The following ACAP2 variants were observed in gnomAD, a reference collection of about 807,000 sequenced individuals.
ACAP2 encodes arf-GAP with coiled-coil, ANK repeat and PH domain-containing protein 2.
A neutral mutation model predicts 115.8 loss-of-function variants in ACAP2; 39 were observed. The observed-to-expected ratio is 0.34, with a 90% CI of 0.26 to 0.44. The LOEUF is 0.44. Ranked by LOEUF, ACAP2 falls within the 20% of genes least tolerant of loss-of-function variation. The pLI, the probability that ACAP2 is intolerant of heterozygous loss-of-function variation, is 1.00. For missense variants in ACAP2, 662 were observed against 927.6 expected, an observed-to-expected ratio of 0.71 and a Z score of 3.72; for synonymous variants, 289 against 315.8, an observed-to-expected ratio of 0.92 and a Z score of 0.90.
intron 10 of ACAP2, among the ~76,000 whole-genome samples, chr3:195,317,705 C>T (rs946184985): frequency 1.3e-5 from 2 of 152,118 alleles, no homozygotes; most frequent in African/African-American, 4.8e-5. Context: ...TGTTTAGCAA[C>T]ACCTTCAAAG....
intron 4 of ACAP2, among the ~76,000 whole-genome samples, chr3:195,350,997 T>C (rs1381227266): frequency 1.3e-5 from 2 of 151,534 alleles, no homozygotes; most frequent in Non-Finnish European, 2.9e-5. Flanking sequence ...ATAAACTGAC[T>C]TCATAAAAAA....
intron 2 of ACAP2, among the ~76,000 whole-genome samples, chr3:195,382,879 GAAA>G (rs112190227): frequency 7.3e-6 from 1 of 136,998 alleles, no homozygotes; most frequent in Admixed American, 7.4e-5. Flanking sequence ...ACTATGCATG[GAAA>G]AAAAAAAAAA....
At chr3:195,327,990 C>G (rs1294075718) in intron 8 of ACAP2, among the ~76,000 whole-genome samples, 2 of 151,626 alleles carry the variant, frequency 1.3e-5, no homozygotes, top group Non-Finnish European at 2.9e-5. Flanking sequence ...TTTCTTGTTC[C>G]TTGGCGTTAG....
At chr3:195,423,480 G>A (rs779782602) in intron 1 of ACAP2, among the ~76,000 whole-genome samples, 19 of 152,116 alleles carry the variant, frequency 1.2e-4, no homozygotes, top group Admixed American at 6.5e-4. Context: ...AAAATTAGCC[G>A]GGTGTGATGG....
intron 5 of ACAP2, among the ~76,000 whole-genome samples, chr3:195,342,870 C>T (rs1385184045): frequency 6.6e-6 from 1 of 151,966 alleles, no homozygotes; most frequent in African/African-American, 2.4e-5. Context: ...GTGGCATGTG[C>T]CTGTAGTCCC....
intron 20 of ACAP2, among the ~76,000 whole-genome samples, chr3:195,289,687 T>TC (rs1211884152): frequency 9.4e-5 from 14 of 149,202 alleles, no homozygotes; most frequent in African/African-American, 7.4e-5. Context: ...ACGCCTGTAG[T>TC]CCCAGCTACA....
chr3:195,401,984 C>T lies in ACAP2; in HGVS notation c.54-9837G>A, dbSNP rs78900931. Among the ~76,000 whole-genome samples the T allele has an allele frequency of 2.7e-3, 404 of 152,240 alleles. 6 individuals are homozygous for T. In the South Asian group the frequency reaches 0.03, roughly 11 times the overall value. ...ATAAACCACCTGGGATGGTAAACTT[C>T]GAACACTGAAGCACCTTCTACTCCT... On this transcript the variant is annotated intron_variant, in intron 1 of 22. Coordinates refer to ENST00000326793, the MANE Select transcript of ACAP2 (RefSeq NM_012287.6).
intron 1 of ACAP2, among the ~76,000 whole-genome samples, chr3:195,420,284 T>C (rs989928764): frequency 6.6e-6 from 1 of 152,204 alleles, no homozygotes; most frequent in East Asian, 1.9e-4. Context: ...ATTTAATGTA[T>C]ACACACGCTT....
intron 1 of ACAP2, among the ~76,000 whole-genome samples, chr3:195,399,038 GC>G (rs1191805681): frequency 1.3e-5 from 2 of 152,108 alleles, no homozygotes; most frequent in African/African-American, 4.8e-5. Context: ...TTGGGTTGGG[GC>G]AAAAGTAATT....
intron 7 of ACAP2, 76 bp from the exon 8 acceptor site, chr3:195,333,199 A>AT: frequency 1.6e-6 from 1 of 629,884 alleles, no homozygotes. Flanking sequence ...TATATATATA[A>AT]AAATATATAA....
chr3:195,346,710 C>T (rs776334947), intron 4 of ACAP2, among the ~76,000 whole-genome samples: 2 of 152,256 alleles, frequency 1.3e-5, no homozygotes, highest in East Asian at 3.9e-4. Flanking sequence ...ACACAAAAAC[C>T]TGTACTCAAA....
chr3:195,387,491 T>C (rs1224254100), intron 2 of ACAP2, among the ~76,000 whole-genome samples: 1 of 152,234 alleles, frequency 6.6e-6, no homozygotes, highest in East Asian at 1.9e-4. Context: ...CATAAGACTT[T>C]GTATACACCA....
At position 195,368,541 on chromosome 3, in the gene ACAP2, TACC is replaced by T. The variant is rs542572607; in HGVS notation, c.285+12465_285+12467del. Among the ~76,000 whole-genome samples the T allele has an allele frequency of 1.2e-3, 190 of 152,344 alleles. 2 individuals are homozygous for T. Among genetic ancestry groups the T allele is most frequent in the African/African-American group, 4.2e-3 (176 of 41,578 alleles). On this transcript the variant is annotated intron_variant, in intron 4 of 22. Coordinates refer to ENST00000326793, the MANE Select transcript of ACAP2 (RefSeq NM_012287.6). ...ATTTGAATCATCCAAAACTATATTT[TACC>T]ACAATTTGTGTTATCATTTCATGTT...
chr3:195,298,252 CTTTTTTT>C, intron 15 of ACAP2, among the ~76,000 whole-genome samples: 1 of 109,952 alleles, frequency 9.1e-6, no homozygotes, highest in South Asian at 2.9e-4. Flanking sequence ...TTTCTCTCCT[CTTTTTTT>C]TTTTTTTTTT....
chr3:195,412,164 CAAAAAAAAAAAAAA>C (rs869120673), intron 1 of ACAP2, among the ~76,000 whole-genome samples: 3 of 48,600 alleles, frequency 6.2e-5, no homozygotes, highest in African/African-American at 2.1e-4. Context: ...GACCCTGTCT[CAAAAAAAAAAAAAA>C]AAAAAAAAAA....
intron 4 of ACAP2, among the ~76,000 whole-genome samples, chr3:195,368,732 A>G (rs1223534895): frequency 6.6e-6 from 1 of 152,194 alleles, no homozygotes; most frequent in African/African-American, 2.4e-5. Flanking sequence ...TTAATTAGCT[A>G]AAGTGTGACT....
At chr3:195,320,954 G>A (rs905057434) in intron 9 of ACAP2, 141 bp from the exon 10 acceptor site, 2 of 533,798 alleles carry the variant, frequency 3.7e-6, no homozygotes, top group African/African-American at 1.9e-5. Context: ...AAAAATGAAG[G>A]GGGACTTAAA....
chr3:195,328,855 G>A (rs1420312815), intron 8 of ACAP2, among the ~76,000 whole-genome samples: 2 of 152,180 alleles, frequency 1.3e-5, no homozygotes, highest in Non-Finnish European at 2.9e-5. Flanking sequence ...CGAGATGGGC[G>A]AATCACAAGG....
chr3:195,439,692 C>A (rs1715859845), intron 1 of ACAP2, among the ~76,000 whole-genome samples: 1 of 151,804 alleles, frequency 6.6e-6, no homozygotes, highest in Non-Finnish European at 1.5e-5. Flanking sequence ...AGTGGCACAA[C>A]CTCAGCTCAC....
Sources: gnomAD v4.1 joint callset for allele counts (sites outside exome capture counted in the v4.1 genomes callset) on GRCh38, gnomAD v4.1.1 for gene constraint, MANE v1.5 for transcripts, NCBI Gene and HGNC (gene_info 2026-07-23, HGNC 2026-07-21) for gene names.